Variants in UNC45B observed in about 807,000 individuals in gnomAD.
The protein encoded by UNC45B is protein unc-45 homolog B.
A neutral mutation model predicts 98.7 loss-of-function variants in UNC45B; 78 were observed. The observed-to-expected ratio is 0.79, with a 90% CI of 0.66 to 0.95. The LOEUF (loss-of-function observed/expected upper bound fraction) is 0.95. Ranked by LOEUF, UNC45B falls within the 40% of genes least tolerant of loss-of-function variation. The pLI is 0.00. For synonymous variants in UNC45B, 462 were observed against 480.4 expected, an observed-to-expected ratio of 0.96 and a Z score of 0.50; for missense variants, 1,225 against 1,184.9, an observed-to-expected ratio of 1.03 and a Z score of -0.50.
intron 13 of UNC45B, among the ~76,000 whole-genome samples, chr17:35,173,171 G>A (rs962282871): frequency 7.2e-6 from 1 of 138,758 alleles, no homozygotes; most frequent in African/African-American, 2.7e-5. Context: ...CTGTCGCCCA[G>A]GCGGAGTGCA....
chr17:35,155,525 C>A, intron 7 of UNC45B, 61 bp downstream of exon 7: 1 of 1,555,530 alleles, frequency 6.4e-7, no homozygotes, highest in South Asian at 1.2e-5. Flanking sequence ...CAGTTGCTAC[C>A]TCAGACTGGG....
At position 35,187,064 on chromosome 17, in the gene UNC45B, C is replaced by T. The variant is rs1330559293; in HGVS notation, c.*505C>T. The stretch of plus-strand genomic sequence containing the variant: ...TTCACCTGCAGTGCTCTGTCCCAGT[C>T]CCATGCCCATTCCCATCACTTCACT... On this transcript the variant is annotated 3_prime_UTR_variant, in exon 20 of 20. Coordinates refer to ENST00000394570, the MANE Select transcript of UNC45B (RefSeq NM_001267052.2). 1 of 156,568 alleles carries T rather than the reference C, an allele frequency of 6.4e-6. No homozygotes were observed. Among genetic ancestry groups the T allele is most frequent in the Non-Finnish European group, 1.4e-5 (1 of 70,326 alleles). 9.7% of individuals were successfully genotyped at this position (156,568 alleles called of 1,614,324 possible).
At chr17:35,165,091 C>T in intron 9 of UNC45B, among the ~76,000 whole-genome samples, 1 of 152,042 alleles carries the variant, frequency 6.6e-6, no homozygotes, top group East Asian at 1.9e-4. Flanking sequence ...ATTGAACTCC[C>T]AAGCTCAAGC....
At chr17:35,178,677 AC>A (rs992513230) in intron 17 of UNC45B, among the ~76,000 whole-genome samples, 8 of 152,310 alleles carry the variant, frequency 5.3e-5, no homozygotes, top group Middle Eastern at 3.4e-3. Context: ...TTTAGATCTT[AC>A]ATTTAAGTCT....
chr17:35,179,309 T>C (rs1284182104), intron 17 of UNC45B, among the ~76,000 whole-genome samples: 2 of 152,212 alleles, frequency 1.3e-5, no homozygotes, highest in African/African-American at 4.8e-5. Context: ...TTTATTCTGT[T>C]GGTAGCAGTT....
intron 5 of UNC45B, among the ~76,000 whole-genome samples, chr17:35,153,370 G>C (rs1189341384): frequency 6.6e-6 from 1 of 152,096 alleles, no homozygotes; most frequent in Non-Finnish European, 1.5e-5. Flanking sequence ...TCGGCCCTAA[G>C]AAATAACGGG....
chr17:35,180,290 A>AGAGAGAGAGAGAG lies in UNC45B; in HGVS notation c.2256-269_2256-268insGAGAGAGAGAGAG, dbSNP rs1597934958. On this transcript the variant is annotated intron_variant, in intron 17 of 19. Coordinates refer to ENST00000394570, the MANE Select transcript of UNC45B (RefSeq NM_001267052.2). ...AGAGAGAGAGAGAGAGAGAGAGAGAATTTCTTTACTGCAATAATACAGAGG... is the reference window on the plus strand; with the variant it reads ...AGAGAGAGAGAGAGAGAGAGAGAGAAGAGAGAGAGAGAGTTTCTTTACTGCAATAATACAGAGG... Among the ~76,000 whole-genome samples, 5 of 90,864 alleles carry AGAGAGAGAGAGAG rather than the reference A, an allele frequency of 5.5e-5. No homozygotes were observed. The East Asian group carries it at 1.3e-3, about 23-fold the overall frequency. 59.6% of individuals were successfully genotyped at this position (90,864 alleles called of 152,430 possible).
Position 35,150,091 on chromosome 17 carries a change from A to G in UNC45B, c.249A>G (p.Arg83=), listed in dbSNP as rs753726046. The G allele has an allele frequency of 1.2e-6, 2 of 1,613,172 alleles. No homozygotes were observed. The highest frequency in any genetic ancestry group is 3.3e-5 in the Admixed American group (2 of 59,938). Residue 83 remains arginine, a synonymous_variant, in exon 4 of 20, where the codon CGA becomes CGG. Coordinates refer to ENST00000394570, the MANE Select transcript of UNC45B (RefSeq NM_001267052.2). ...NSSDIKALYR[R]CQALEHLGKL... is the part of the protein sequence containing the mutation. Reference sequence around the variant, plus strand: ...CGGACATCAAGGCTCTGTATCGGCGATGCCAGGCACTGGAGCACCTGGGGA... The same window carrying G: ...CGGACATCAAGGCTCTGTATCGGCGGTGCCAGGCACTGGAGCACCTGGGGA...
chr17:35,186,831 G>A lies in UNC45B; in HGVS notation c.*272G>A, dbSNP rs1313405669. The A allele has an allele frequency of 8.5e-6, 3 of 353,320 alleles. No individual in the cohort carries two copies. The highest frequency in any genetic ancestry group is 3.8e-5 in the South Asian group (1 of 26,226). The allele number at this position is 353,320 out of a possible 1,614,324, so 21.9% of individuals were successfully genotyped here. On this transcript the variant is annotated 3_prime_UTR_variant, in exon 20 of 20. Transcript: ENST00000394570. ...TAATTTTCACCCATGATTAGAAATA[G>A]GTTGGATCATTCTTTCTGTACCCAT...
At position 35,155,431 on chromosome 17, in the gene UNC45B, G is replaced by A. The variant is rs374814395; in HGVS notation, c.775G>A (p.Glu259Lys). The change falls in exon 7 of 20, where the codon GAG becomes AAG. Residue 259 changes from glutamate (E) to lysine (K), a missense_variant. Transcript: ENST00000394570. ...CTCCTTGTCTGGGGAGGACAAGCGG[G>A]AGCATCGAGGGAAGGAGGAGGCCCT... is the stretch of plus-strand genomic sequence containing the variant. Reference protein sequence around the residue: ...IDSLSGEDKREHRGKEEALVL... With the variant: ...IDSLSGEDKRKHRGKEEALVL... 6.2e-7 allele frequency: 1 copy of A among 1,614,094 alleles called. No homozygotes were observed. Among genetic ancestry groups the A allele is most frequent in the African/African-American group, 1.3e-5 (1 of 74,938 alleles).
chr17:35,183,560 TG>T lies in UNC45B; in HGVS notation c.2508del (p.Cys837AlafsTer4). On this transcript the variant is annotated frameshift_variant, in exon 19 of 20. Coordinates refer to ENST00000394570, the MANE Select transcript of UNC45B (RefSeq NM_001267052.2). LOFTEE classifies it high-confidence loss of function. ...LAMLTAAHKK[L>X]CLKMTQVTTQ... The stretch of plus-strand genomic sequence containing the variant: ...ATGCTGACAGCAGCACACAAGAAAC[TG>T]TGCCTCAAGATGACTCAAGTGGTAA... 1 of 1,579,026 alleles carries T rather than the reference TG, an allele frequency of 6.3e-7. No individual in the cohort carries two copies. The highest frequency in any genetic ancestry group is 8.6e-7 in the Non-Finnish European group (1 of 1,162,568).
At chr17:35,179,181 C>G (rs1324081193) in intron 17 of UNC45B, among the ~76,000 whole-genome samples, 3 of 152,220 alleles carry the variant, frequency 2.0e-5, no homozygotes, top group African/African-American at 7.2e-5. Context: ...TTCTTCCAAT[C>G]CATGAGCATG....
Position 35,176,023 on chromosome 17 carries a change from G to A in UNC45B, c.2014G>A (p.Gly672Ser). ...GGACCGAGGCACCATTGTGGCTCAA[G>A]GTGGTGGCAAGGTAACTGGGCAGGT... ...PKDRGTIVAQ[G>S]GGKALIPLAL... Residue 672 changes from glycine to serine, a missense_variant, in exon 15 of 20, where the codon GGT (glycine) becomes AGT (serine). By Grantham distance (56) the Gly-to-Ser change is moderately conservative. Coordinates refer to ENST00000394570, the MANE Select transcript of UNC45B (RefSeq NM_001267052.2). 2 of 1,614,180 alleles carry A rather than the reference G, an allele frequency of 1.2e-6. No homozygotes were observed. Among genetic ancestry groups the A allele is most frequent in the South Asian group, 1.1e-5 (1 of 91,086 alleles).
At chr17:35,149,158 T>A (rs941537125) in intron 3 of UNC45B, 149 bp downstream of exon 3, 1 of 991,372 alleles carries the variant, frequency 1.0e-6, no homozygotes, top group East Asian at 2.6e-5. Flanking sequence ...ACTGGAAACA[T>A]ATCCTGTGAA....
intron 14 of UNC45B, among the ~76,000 whole-genome samples, chr17:35,175,057 AAAGAAG>A (rs746385701): frequency 8.5e-5 from 9 of 106,358 alleles, no homozygotes; most frequent in Non-Finnish European, 1.6e-4. Context: ...GAAAGAAAGG[AAAGAAG>A]AAAGAAAGAA....
intron 17 of UNC45B, among the ~76,000 whole-genome samples, chr17:35,179,313 A>G (rs1042218433): frequency 6.6e-6 from 1 of 152,172 alleles, no homozygotes; most frequent in Non-Finnish European, 1.5e-5. Flanking sequence ...TTCTGTTGGT[A>G]GCAGTTGTGA....
chr17:35,158,514 G>T (rs1197245408), intron 7 of UNC45B, among the ~76,000 whole-genome samples: 1 of 152,212 alleles, frequency 6.6e-6, no homozygotes, highest in Non-Finnish European at 1.5e-5. Context: ...TGAGTGTCGT[G>T]TTTCCCAGGG....
chr17:35,174,570 A>G (rs972047600), intron 14 of UNC45B, among the ~76,000 whole-genome samples: 2 of 152,184 alleles, frequency 1.3e-5, no homozygotes, highest in African/African-American at 4.8e-5. Flanking sequence ...CTGTAATCCC[A>G]GGGCTTTGGG....
intron 9 of UNC45B, among the ~76,000 whole-genome samples, chr17:35,167,245 A>G (rs1305938210): frequency 6.6e-6 from 1 of 152,214 alleles, no homozygotes; most frequent in African/African-American, 2.4e-5. Flanking sequence ...GTCAGCTGAC[A>G]GCTCTCAGCT....
Sources: gnomAD v4.1 joint callset for allele counts (sites outside exome capture counted in the v4.1 genomes callset) on GRCh38, gnomAD v4.1.1 for gene constraint, MANE v1.5 for transcripts, NCBI Gene and HGNC (gene_info 2026-07-23, HGNC 2026-07-21) for gene names.